The following GALNTL6 variants were observed in gnomAD, a reference collection of about 807,000 sequenced individuals.
GALNTL6 encodes polypeptide N-acetylgalactosaminyltransferase like 6.
In GALNTL6, 46 loss-of-function variants were observed where a neutral mutation model predicts 73.7. That is an observed-to-expected ratio of 0.62 (90% CI 0.49 to 0.80). GALNTL6 has a LOEUF of 0.80. Among genes scored for constraint, GALNTL6 ranks in the 30% least tolerant of loss-of-function variants. GALNTL6 has a pLI of 0.00. For synonymous variants in GALNTL6, 259 were observed against 263.7 expected, an observed-to-expected ratio of 0.98 and a Z score of 0.17; for missense variants, 604 against 755.0, an observed-to-expected ratio of 0.80 and a Z score of 2.34.
At chr4:172,145,261 T>C (rs1295160871) in intron 2 of GALNTL6, among the ~76,000 whole-genome samples, 2 of 151,964 alleles carry the variant, frequency 1.3e-5, no homozygotes, top group African/African-American at 4.8e-5. Context: ...TGCCTCAGCC[T>C]CCCAGGTAGC....
At position 172,828,960 on chromosome 4, in the gene GALNTL6, G is replaced by A. The variant is rs564427946; in HGVS notation, c.923+15237G>A. 2.0e-4 allele frequency among the ~76,000 whole-genome samples: 31 copies of A among 152,298 alleles called. No homozygotes were observed. The South Asian group carries it at 5.8e-3, about 29-fold the overall frequency. On this transcript the variant is annotated intron_variant, in intron 7 of 12. Coordinates refer to ENST00000506823, the MANE Select transcript of GALNTL6 (RefSeq NM_001034845.3). ...AGAAGTCCTAAGTCAAGGTGTCGGCGGAGCTATGCATGCTCCCTCTGAAAC... is the reference window on the plus strand; with the variant it reads ...AGAAGTCCTAAGTCAAGGTGTCGGCAGAGCTATGCATGCTCCCTCTGAAAC...
Position 171,995,698 on chromosome 4 carries a change from T to C in GALNTL6, c.138+180980T>C, listed in dbSNP as rs139662682. On this transcript the variant is annotated intron_variant, in intron 2 of 12. Coordinates refer to ENST00000506823, the MANE Select transcript of GALNTL6 (RefSeq NM_001034845.3). ...CAATTATGAAGAAATTTTACCTTAGTATTCATTTTAAATATTTTAATAATA... is the reference window on the plus strand; with the variant it reads ...CAATTATGAAGAAATTTTACCTTAGCATTCATTTTAAATATTTTAATAATA... Among the ~76,000 whole-genome samples the C allele has an allele frequency of 3.2e-3, 485 of 152,134 alleles. 3 individuals carry two copies. Among genetic ancestry groups the C allele is most frequent in the Non-Finnish European group, 5.7e-3 (389 of 67,964 alleles).
At chr4:172,280,559 A>C (rs755144399) in intron 3 of GALNTL6, among the ~76,000 whole-genome samples, 1 of 151,974 alleles carries the variant, frequency 6.6e-6, no homozygotes, top group Non-Finnish European at 1.5e-5. Flanking sequence ...TCAAGACTGT[A>C]AATAATTATT....
intron 2 of GALNTL6, among the ~76,000 whole-genome samples, chr4:171,863,816 G>A (rs1173954503): frequency 2.0e-5 from 3 of 151,428 alleles, no homozygotes; most frequent in African/African-American, 7.3e-5. Flanking sequence ...GCAGTGAAAT[G>A]GCACAATGGC....
intron 10 of GALNTL6, among the ~76,000 whole-genome samples, chr4:173,004,644 A>C (rs12498314): frequency 0.76 from 113,114 of 149,568 alleles, 43,859 homozygotes; most frequent in South Asian, 0.85. Context: ...AACTAACTAA[A>C]TAAATAAATA....
intron 2 of GALNTL6, among the ~76,000 whole-genome samples, chr4:171,846,519 G>A (rs1279396215): frequency 6.6e-6 from 1 of 152,024 alleles, no homozygotes; most frequent in Non-Finnish European, 1.5e-5. Flanking sequence ...GCATCTGTTG[G>A]TGGAGTGGCC....
chr4:171,987,701 A>G (rs577828217), intron 2 of GALNTL6, among the ~76,000 whole-genome samples: 56 of 152,316 alleles, frequency 3.7e-4, no homozygotes, highest in South Asian at 3.5e-3. Flanking sequence ...GAGAGGTTCT[A>G]AGAGGCGGGC....
intron 5 of GALNTL6, among the ~76,000 whole-genome samples, chr4:172,429,227 TTTG>T (rs1731351497): frequency 6.6e-6 from 1 of 151,344 alleles, no homozygotes; most frequent in African/African-American, 2.4e-5. Context: ...TATTTTATTT[TTTG>T]AGACTGAGTC....
chr4:172,690,077 A>G (rs1733175392), intron 5 of GALNTL6, among the ~76,000 whole-genome samples: 2 of 152,166 alleles, frequency 1.3e-5, no homozygotes, highest in South Asian at 2.1e-4. Flanking sequence ...AATAACAGTG[A>G]TTTTCTTGTC....
intron 2 of GALNTL6, among the ~76,000 whole-genome samples, chr4:172,183,971 T>G (rs1273681463): frequency 1.3e-5 from 2 of 152,028 alleles, no homozygotes; most frequent in Non-Finnish European, 2.9e-5. Flanking sequence ...TTTTGTATTT[T>G]TAGTAGAGAC....
Position 171,903,311 on chromosome 4 carries a change from C to T in GALNTL6, c.138+88593C>T, listed in dbSNP as rs772773749. 3.3e-5 allele frequency among the ~76,000 whole-genome samples: 5 copies of T among 152,034 alleles called. No individual in the cohort carries two copies. The East Asian group carries it at 5.9e-4, about 18-fold the overall frequency. ...GCACCGTGCGCGAGCTGAAGCAGGG[C>T]GAGGCATTGCCTCACTCGGAAAGCA... On this transcript the variant is annotated intron_variant, in intron 2 of 12. Transcript: ENST00000506823.
At chr4:173,026,103 G>A (rs1356078690) in intron 12 of GALNTL6, among the ~76,000 whole-genome samples, 2 of 152,146 alleles carry the variant, frequency 1.3e-5, no homozygotes, top group African/African-American at 4.8e-5. Context: ...TTAGATTATA[G>A]CATATGTCTT....
At chr4:172,622,716 C>G (rs912226365) in intron 5 of GALNTL6, among the ~76,000 whole-genome samples, 1 of 152,004 alleles carries the variant, frequency 6.6e-6, no homozygotes, top group Non-Finnish European at 1.5e-5. Context: ...AAAGGAATCC[C>G]CAGGATGAGC....
intron 5 of GALNTL6, among the ~76,000 whole-genome samples, chr4:172,464,661 C>G (rs761813582): frequency 2.6e-5 from 4 of 151,726 alleles, no homozygotes; most frequent in Non-Finnish European, 4.4e-5. Context: ...GAGCCGAGAT[C>G]GCACCACTGC....
At chr4:172,585,043 A>T (rs1204684248) in intron 5 of GALNTL6, among the ~76,000 whole-genome samples, 2 of 152,212 alleles carry the variant, frequency 1.3e-5, no homozygotes, top group African/African-American at 4.8e-5. Flanking sequence ...ACTGCCAAGA[A>T]GTCAGCAAGA....
chr4:172,987,763 TTCTC>T (rs771166879), intron 10 of GALNTL6, among the ~76,000 whole-genome samples: 1 of 152,060 alleles, frequency 6.6e-6, no homozygotes, highest in Non-Finnish European at 1.5e-5. Context: ...CACCTCTCCC[TTCTC>T]TCTCTCTTTC....
intron 2 of GALNTL6, among the ~76,000 whole-genome samples, chr4:172,047,686 A>C (rs1279009950): frequency 2.6e-5 from 4 of 152,148 alleles, no homozygotes; most frequent in African/African-American, 9.6e-5. Flanking sequence ...AAGTTCCAAA[A>C]TACAGAGTTA....
chr4:171,905,442 A>C (rs1737244964), intron 2 of GALNTL6, among the ~76,000 whole-genome samples: 1 of 152,106 alleles, frequency 6.6e-6, no homozygotes, highest in Non-Finnish European at 1.5e-5. Context: ...AGAAGAGCTA[A>C]CTATCCTAAA....
intron 11 of GALNTL6, among the ~76,000 whole-genome samples, chr4:173,012,072 C>T (rs1752576894): frequency 6.6e-6 from 1 of 152,102 alleles, no homozygotes; most frequent in African/African-American, 2.4e-5. Context: ...CTCACCTAAC[C>T]CTTTTCACTG....
Sources: gnomAD v4.1 joint callset for allele counts (sites outside exome capture counted in the v4.1 genomes callset) on GRCh38, gnomAD v4.1.1 for gene constraint, MANE v1.5 for transcripts, NCBI Gene and HGNC (gene_info 2026-07-23, HGNC 2026-07-21) for gene names.